Variants in NPIPB12 observed in about 807,000 individuals in gnomAD.
NPIPB12 encodes nuclear pore complex-interacting protein family member B12.
intron 4 of NPIPB12, among the ~76,000 whole-genome samples, chr16:29,490,904 T>TAAAAAAA (rs1156982100): frequency 1.6e-4 from 9 of 56,662 alleles, no homozygotes; most frequent in African/African-American, 3.5e-4. Context: ...ATCTCAAAAT[T>TAAAAAAA]AAAAAAAAAA....
At chr16:29,497,505 C>T (rs1180147027) in intron 1 of NPIPB12, among the ~76,000 whole-genome samples, 3 of 48,740 alleles carry the variant, frequency 6.2e-5, no homozygotes, top group Non-Finnish European at 9.2e-5. Context: ...CAGAGCGAGA[C>T]TCTGTCTCAA....
chr16:29,492,492 CAAA>C (rs1191028089), intron 2 of NPIPB12, among the ~76,000 whole-genome samples: 26 of 40,268 alleles, frequency 6.5e-4, no homozygotes, highest in African/African-American at 1.7e-3. Context: ...ACTCTTGTCT[CAAA>C]AAAAAAAAAA....
intron 1 of NPIPB12, among the ~76,000 whole-genome samples, chr16:29,498,232 A>C (rs1455679347): frequency 1.0e-4 from 15 of 147,966 alleles, no homozygotes; most frequent in Middle Eastern, 3.6e-3. Flanking sequence ...CCTGGGAAGC[A>C]GAGGTTGCGG....
At chr16:29,498,399 A>C (rs1965168768) in intron 1 of NPIPB12, among the ~76,000 whole-genome samples, 1 of 133,526 alleles carries the variant, frequency 7.5e-6, no homozygotes, top group African/African-American at 2.8e-5. Context: ...CAAAGTTAGT[A>C]AACTTACACT....
At chr16:29,490,586 C>A (rs1382544318) in intron 4 of NPIPB12, among the ~76,000 whole-genome samples, 3 of 122,194 alleles carry the variant, frequency 2.5e-5, no homozygotes, top group South Asian at 3.5e-4. Flanking sequence ...AAAAATTATC[C>A]GGGCATGGTG....
At chr16:29,498,297 T>C (rs1965162827) in intron 1 of NPIPB12, among the ~76,000 whole-genome samples, 1 of 127,674 alleles carries the variant, frequency 7.8e-6, no homozygotes, top group African/African-American at 2.8e-5. Context: ...AGAAACTGTC[T>C]CAAAATAAAT....
intron 4 of NPIPB12, among the ~76,000 whole-genome samples, chr16:29,490,428 G>A (rs879564696): frequency 0.039 from 5,420 of 139,962 alleles, no homozygotes; most frequent in Middle Eastern, 0.078. Context: ...TGGTGAACCC[G>A]TCTCTACTAA....
At chr16:29,501,896 C>T (rs1399462943), upstream of NPIPB12, among the ~76,000 whole-genome samples, 2 of 54,276 alleles carry the variant, frequency 3.7e-5, no homozygotes, top group Non-Finnish European at 7.4e-5. Context: ...CCCTAGATTT[C>T]GGTTGTGGTG....
At chr16:29,492,534 G>T (rs1367427968) in intron 2 of NPIPB12, among the ~76,000 whole-genome samples, 1 of 75,488 alleles carries the variant, frequency 1.3e-5, no homozygotes, top group Admixed American at 1.5e-4. Context: ...GGTAGCTCAC[G>T]CCTGTAATCC....
At chr16:29,490,456 C>A (rs1186830895) in intron 4 of NPIPB12, among the ~76,000 whole-genome samples, 1 of 149,180 alleles carries the variant, frequency 6.7e-6, no homozygotes, top group Non-Finnish European at 1.5e-5. Context: ...AAAATTGGGC[C>A]GGGCACGGTG....
At position 29,495,126 on chromosome 16, in the gene NPIPB12, G is replaced by C. The variant is rs139537085; in HGVS notation, c.204+353C>G. Among the ~76,000 whole-genome samples the C allele has an allele frequency of 3.7e-3, 471 of 128,864 alleles. 20 individuals carry two copies. Among genetic ancestry groups the C allele is most frequent in the African/African-American group, 0.012 (450 of 38,440 alleles). The allele number at this position is 128,864 out of a possible 152,430, so 84.5% of individuals were successfully genotyped here. A position where few individuals can be genotyped will look rare whatever the true frequency, so the allele number is the denominator to read the frequency against. ...CAGTGAATCTTCAGAGAAGAGATTG[G>C]AAGCTTTCCTTCCACCCATACGATA... is the stretch of plus-strand genomic sequence containing the variant. On this transcript the variant is annotated intron_variant, in intron 2 of 5. Coordinates refer to ENST00000617311, the Ensembl canonical transcript of NPIPB12.
chr16:29,501,814 C>T (rs1965196923), upstream of NPIPB12, among the ~76,000 whole-genome samples: 1 of 21,242 alleles, frequency 4.7e-5, no homozygotes, highest in African/African-American at 1.4e-4. Context: ...CGAGATTGTA[C>T]CATTGCACTC....
chr16:29,498,261 T>C (rs1159318338), intron 1 of NPIPB12, among the ~76,000 whole-genome samples: 8 of 148,506 alleles, frequency 5.4e-5, no homozygotes, highest in African/African-American at 1.5e-4. Flanking sequence ...TATTGCCCCA[T>C]TGCACTCCAG....
At chr16:29,497,529 A>C (rs1394083054) in intron 1 of NPIPB12, among the ~76,000 whole-genome samples, 1 of 57,504 alleles carries the variant, frequency 1.7e-5, no homozygotes, top group Non-Finnish European at 2.6e-5. Flanking sequence ...AAAAAAAAAA[A>C]AAATTACCAA....
chr16:29,490,304 G>A (rs2142186492), intron 4 of NPIPB12, among the ~76,000 whole-genome samples: 1 of 94,704 alleles, frequency 1.1e-5, no homozygotes, highest in Admixed American at 1.1e-4. Flanking sequence ...AATGAATCTG[G>A]AGGTGACCCA....
At chr16:29,498,286 G>T (rs1596717692) in intron 1 of NPIPB12, among the ~76,000 whole-genome samples, 5 of 142,388 alleles carry the variant, frequency 3.5e-5, no homozygotes, top group Non-Finnish European at 3.1e-5. Context: ...GGCAACAAGG[G>T]AGAAACTGTC....
chr16:29,497,464 A>G (rs1965147911), intron 1 of NPIPB12, among the ~76,000 whole-genome samples: 1 of 46,114 alleles, frequency 2.2e-5, no homozygotes, highest in Non-Finnish European at 3.3e-5. Flanking sequence ...CAGTGAGCCG[A>G]GATCGCACCA....
chr16:29,498,411 A>C (rs1965169020), intron 1 of NPIPB12, among the ~76,000 whole-genome samples: 1 of 122,080 alleles, frequency 8.2e-6, no homozygotes, highest in Non-Finnish European at 1.7e-5. Flanking sequence ...ACTTACACTT[A>C]AGGTTATATA....
At chr16:29,495,103 G>A (rs1397871174) in intron 2 of NPIPB12, among the ~76,000 whole-genome samples, 1 of 122,492 alleles carries the variant, frequency 8.2e-6, no homozygotes, top group African/African-American at 2.7e-5. Context: ...CATTTCTGCA[G>A]TGAATCTTCA....
Sources: gnomAD v4.1 joint callset for allele counts (sites outside exome capture counted in the v4.1 genomes callset) on GRCh38, gnomAD v4.1.1 for gene constraint, MANE v1.5 for transcripts, NCBI Gene and HGNC (gene_info 2026-07-23, HGNC 2026-07-21) for gene names.